NEK5: variants seen among roughly 807,000 people sequenced by gnomAD.
NEK5 encodes serine/threonine-protein kinase Nek5.
Under a neutral mutation model 109.2 loss-of-function variants are expected in NEK5, and 88 were observed. That is an observed-to-expected ratio of 0.81 (90% CI 0.68 to 0.96). The LOEUF (loss-of-function observed/expected upper bound fraction) is 0.96. Ranked by LOEUF, NEK5 falls within the 40% of genes least tolerant of loss-of-function variation. The pLI is 0.00. For synonymous variants in NEK5, 283 were observed against 299.9 expected (o/e 0.94, Z 0.58); for missense variants, 834 against 920.7 (o/e 0.91, Z 1.22).
intron 3 of NEK5, among the ~76,000 whole-genome samples, chr13:52,122,743 G>A (rs554272153): frequency 1.3e-5 from 2 of 152,078 alleles, no homozygotes; most frequent in Admixed American, 6.5e-5. Flanking sequence ...CTCCAGCCTG[G>A]GCAACAGAGC....
At chr13:52,070,160 A>G (rs1218104114) in intron 20 of NEK5, among the ~76,000 whole-genome samples, 1 of 152,180 alleles carries the variant, frequency 6.6e-6, no homozygotes, top group Non-Finnish European at 1.5e-5. Flanking sequence ...GAAAATGGGC[A>G]TTCCAGCTGT....
intron 4 of NEK5, among the ~76,000 whole-genome samples, chr13:52,119,098 A>G (rs1471610555): frequency 6.6e-6 from 1 of 152,222 alleles, no homozygotes; most frequent in African/African-American, 2.4e-5. Flanking sequence ...GAGAGTGAGA[A>G]TTAAGGAGAG....
intron 9 of NEK5, among the ~76,000 whole-genome samples, chr13:52,102,866 A>G (rs1247140635): frequency 6.6e-6 from 1 of 152,222 alleles, no homozygotes; most frequent in Non-Finnish European, 1.5e-5. Flanking sequence ...TAATAAAAAA[A>G]CTGGAAGGTA....
intron 13 of NEK5, 42 bp from the exon 14 acceptor site, chr13:52,089,355 A>G (rs9535861): frequency 0.64 from 808,011 of 1,267,592 alleles, 263,649 homozygotes; most frequent in Non-Finnish European, 0.68. Flanking sequence ...AAACTTGAAC[A>G]AATCTTAGGC....
At chr13:52,103,954 G>GTAAT (rs764062681) in intron 9 of NEK5, among the ~76,000 whole-genome samples, 4 of 152,056 alleles carry the variant, frequency 2.6e-5, no homozygotes, top group Non-Finnish European at 5.9e-5. Flanking sequence ...TATTCATACA[G>GTAAT]TAATTAATTA....
chr13:52,084,184 C>T (rs376923112), intron 16 of NEK5, among the ~76,000 whole-genome samples: 3 of 152,270 alleles, frequency 2.0e-5, no homozygotes, highest in East Asian at 3.9e-4. Context: ...TCATTCCAAC[C>T]ATTTATAAGT....
chr13:52,055,000 C>A (rs1172187763), intron 22 of NEK5, among the ~76,000 whole-genome samples: 1 of 148,866 alleles, frequency 6.7e-6, no homozygotes, highest in South Asian at 2.2e-4. Flanking sequence ...CAAATTACTC[C>A]GAGCTATGGG....
At chr13:52,065,901 T>C (rs1348496578) in intron 20 of NEK5, among the ~76,000 whole-genome samples, 1 of 152,220 alleles carries the variant, frequency 6.6e-6, no homozygotes, top group Non-Finnish European at 1.5e-5. Context: ...ATCTAGTCTT[T>C]TTCCACAGAA....
chr13:52,067,613 A>G (rs1219784569), intron 20 of NEK5, among the ~76,000 whole-genome samples: 1 of 151,510 alleles, frequency 6.6e-6, no homozygotes, highest in Non-Finnish European at 1.5e-5. Context: ...AGCCTCTGTG[A>G]ACCATCACTC....
At position 52,087,281 on chromosome 13, in the gene NEK5, A is replaced by C. The variant is rs565039757; in HGVS notation, c.1392+57T>G. On this transcript the variant is annotated intron_variant, in intron 15 of 23. Transcript: ENST00000684899. ...TAGAAGTAACTCCCTATTACAGTAC[A>C]AAAGACAGTAATACAAAGAAATACA... 2.0e-5 allele frequency: 18 copies of C among 893,996 alleles called. 1 individual carries two copies. Among genetic ancestry groups the C allele is most frequent in the Admixed American group, 1.2e-4 (7 of 56,324 alleles). 55.4% of individuals were successfully genotyped at this position (893,996 alleles called of 1,614,324 possible).
intron 11 of NEK5, among the ~76,000 whole-genome samples, chr13:52,101,547 T>C (rs769566271): frequency 6.6e-5 from 10 of 152,216 alleles, no homozygotes; most frequent in Non-Finnish European, 1.5e-4. Context: ...ACAGAATTCT[T>C]AATTGCCAGT....
In NEK5 at chr13:52,063,736, G is replaced by T. The variant is rs1453240603; in HGVS notation, c.1975+1748C>A. Among the ~76,000 whole-genome samples, 4 of 151,836 alleles carry T rather than the reference G, an allele frequency of 2.6e-5. No homozygotes were observed. The East Asian group carries it at 7.9e-4, about 30-fold the overall frequency. ...TCTGCCCGGCCGCGACCCCGTCTGG[G>T]AGGTGAGGAGCGTCTCTGCCCGGCC... On this transcript the variant is annotated intron_variant, in intron 21 of 23. Transcript: ENST00000684899.
At chr13:52,055,885 C>T (rs1046340155) in intron 22 of NEK5, among the ~76,000 whole-genome samples, 3 of 151,712 alleles carry the variant, frequency 2.0e-5, no homozygotes, top group Non-Finnish European at 4.4e-5. Context: ...AGAAACTGCA[C>T]CAACTAACGA....
chr13:52,040,598 C>A (rs919604004), intron 23 of NEK5, among the ~76,000 whole-genome samples: 1 of 152,080 alleles, frequency 6.6e-6, no homozygotes, highest in Admixed American at 6.6e-5. Context: ...GTATTATAGT[C>A]TTCCTAAGAT....
intron 16 of NEK5, among the ~76,000 whole-genome samples, chr13:52,084,432 C>T (rs1020732508): frequency 5.9e-5 from 9 of 151,526 alleles, no homozygotes; most frequent in African/African-American, 1.5e-4. Context: ...TTGCCCAGGC[C>T]GGTCTCAAAC....
rs1347472908 is a variant in NEK5 at position 52,036,446 on chromosome 13, A to G, written c.*502T>C. 1 of 152,018 alleles carries G rather than the reference A, an allele frequency of 6.6e-6. No homozygotes were observed. Among genetic ancestry groups the G allele is most frequent in the African/African-American group, 2.4e-5 (1 of 41,300 alleles). 9.4% of individuals were successfully genotyped at this position (152,018 alleles called of 1,614,324 possible). A position where few individuals can be genotyped will look rare whatever the true frequency, so the allele number is the denominator to read the frequency against. On this transcript the variant is annotated 3_prime_UTR_variant, in exon 24 of 24. Transcript: ENST00000684899. ...TGAGCCACATTACTCTGCCTACCAC[A>G]TATATTAGCTGAAAGCTTTTTTTTT... is the stretch of plus-strand genomic sequence containing the variant.
At chr13:52,101,074 A>C (rs765441592) in intron 11 of NEK5, among the ~76,000 whole-genome samples, 1 of 152,122 alleles carries the variant, frequency 6.6e-6, no homozygotes, top group Non-Finnish European at 1.5e-5. Flanking sequence ...TCTGACACAC[A>C]GCTTAGCTGA....
chr13:52,060,692 GT>G (rs1954606380), intron 22 of NEK5, among the ~76,000 whole-genome samples: 1 of 152,062 alleles, frequency 6.6e-6, no homozygotes, highest in African/African-American at 2.4e-5. Flanking sequence ...TAGTACCTTA[GT>G]TTTTCTACTT....
intron 20 of NEK5, among the ~76,000 whole-genome samples, chr13:52,068,139 T>C (rs1954720702): frequency 6.6e-6 from 1 of 152,090 alleles, no homozygotes; most frequent in Non-Finnish European, 1.5e-5. Context: ...TAAAAGCCTT[T>C]GTACTCAGCT....
Sources: gnomAD v4.1 joint callset for allele counts (sites outside exome capture counted in the v4.1 genomes callset) on GRCh38, gnomAD v4.1.1 for gene constraint, MANE v1.5 for transcripts, NCBI Gene and HGNC (gene_info 2026-07-23, HGNC 2026-07-21) for gene names.